Variants in GPHN observed in about 807,000 individuals in gnomAD.
GPHN encodes gephyrin.
Under a neutral mutation model 95.5 loss-of-function variants are expected in GPHN, and 17 were observed. The ratio of observed to expected loss-of-function variants is 0.18; its 90% CI spans 0.12 to 0.27. The LOEUF (loss-of-function observed/expected upper bound fraction) is 0.27. Among genes scored for constraint, GPHN ranks in the 10% least tolerant of loss-of-function variants. The pLI is 1.00. For synonymous variants in GPHN, 320 were observed against 322.5 expected (o/e 0.99, Z 0.08); for missense variants, 660 against 978.1 (o/e 0.67, Z 4.34).
intron 16 of GPHN, among the ~76,000 whole-genome samples, chr14:67,120,141 G>A (rs72715382): frequency 0.063 from 9,300 of 148,336 alleles, 319 homozygotes; most frequent in Non-Finnish European, 0.081. Context: ...AAAAAAAAAA[G>A]AGGTGGGAAG....
chr14:66,827,549 C>G (rs537021124), intron 4 of GPHN, among the ~76,000 whole-genome samples: 1 of 152,222 alleles, frequency 6.6e-6, no homozygotes, highest in Non-Finnish European at 1.5e-5. Context: ...GAGAACTATT[C>G]CTGGTATTTT....
the GPHN span, chr14:67,587,033 A>G: frequency 6.5e-7 from 1 of 1,542,944 alleles, no homozygotes; most frequent in African/African-American, 1.4e-5. Flanking sequence ...GATTCAAGCC[A>G]AGGCTAGTTC....
the GPHN span, chr14:67,593,698 A>G: frequency 8.7e-7 from 1 of 1,153,764 alleles, no homozygotes; most frequent in Middle Eastern, 2.5e-4. Context: ...TGGGCTGGCT[A>G]CCTCCTCCAG....
the GPHN span, among the ~76,000 whole-genome samples, chr14:67,629,262 G>A: frequency 6.6e-6 from 1 of 152,184 alleles, no homozygotes; most frequent in Admixed American, 6.5e-5. Flanking sequence ...CTTGAGCCCA[G>A]GAGGTTGAGG....
At chr14:67,337,399 C>G in the GPHN span, 1 of 152,240 alleles carries the variant, frequency 6.6e-6, no homozygotes, top group Non-Finnish European at 1.5e-5. Context: ...GTAATCCCAG[C>G]TACTCGGGAG....
intron 9 of GPHN, among the ~76,000 whole-genome samples, chr14:66,987,145 A>G (rs2153601352): frequency 6.6e-6 from 1 of 152,278 alleles, no homozygotes; most frequent in Admixed American, 6.5e-5. Context: ...GAGTTTGTGT[A>G]TCCTGATGAT....
the GPHN span, among the ~76,000 whole-genome samples, chr14:67,479,061 T>A: frequency 6.6e-6 from 1 of 152,186 alleles, no homozygotes; most frequent in Non-Finnish European, 1.5e-5. Flanking sequence ...TCTGCATACT[T>A]TTTTTTCCTA....
At chr14:67,652,090 T>C in the GPHN span, among the ~76,000 whole-genome samples, 8 of 152,116 alleles carry the variant, frequency 5.3e-5, no homozygotes, top group Non-Finnish European at 1.2e-4. Context: ...CATGAGTGGG[T>C]TGTAGTTTTG....
the GPHN span, among the ~76,000 whole-genome samples, chr14:67,436,877 G>A: frequency 6.6e-6 from 1 of 152,116 alleles, no homozygotes; most frequent in Non-Finnish European, 1.5e-5. Flanking sequence ...GCAACAGAGT[G>A]AGACCCCATC....
downstream of GPHN, among the ~76,000 whole-genome samples, chr14:67,183,631 T>G (rs2083352907): frequency 6.6e-6 from 1 of 152,026 alleles, no homozygotes; most frequent in East Asian, 1.9e-4. Context: ...TGGCGCGATC[T>G]CAGCTCACTA....
chr14:67,416,053 T>TA, the GPHN span, among the ~76,000 whole-genome samples: 1 of 152,176 alleles, frequency 6.6e-6, no homozygotes, highest in African/African-American at 2.4e-5. Context: ...GATGGGTTGA[T>TA]AGGTGCAGCA....
At position 66,825,190 on chromosome 14, in the gene GPHN, T is replaced by C. The variant is rs2061346536; in HGVS notation, c.294+624T>C. On this transcript the variant is annotated intron_variant, in intron 4 of 22. Coordinates refer to ENST00000478722, the MANE Select transcript of GPHN (RefSeq NM_020806.5). ...CTATTAACTAATATGGGGGGGGATGTATTTTTTCTTTAAGGAAGCCATAAA... is the reference window on the plus strand; with the variant it reads ...CTATTAACTAATATGGGGGGGGATGCATTTTTTCTTTAAGGAAGCCATAAA... Among the ~76,000 whole-genome samples, 7 of 152,180 alleles carry C rather than the reference T, an allele frequency of 4.6e-5. No homozygotes were observed. In the South Asian group the frequency reaches 1.5e-3, roughly 32 times the overall value.
chr14:67,094,507 AG>A (rs2153672277), intron 12 of GPHN, among the ~76,000 whole-genome samples: 1 of 152,312 alleles, frequency 6.6e-6, no homozygotes, highest in East Asian at 1.9e-4. Flanking sequence ...AATCTGCAGA[AG>A]TCCTTCAAAT....
the GPHN span, chr14:67,278,998 C>A: frequency 1.8e-6 from 1 of 563,344 alleles, no homozygotes; most frequent in Non-Finnish European, 2.9e-6. Context: ...CACTTTTTTC[C>A]CCCCCATCTT....
the GPHN span, chr14:67,388,292 C>T: frequency 1.9e-6 from 3 of 1,610,796 alleles, no homozygotes; most frequent in East Asian, 6.7e-5. Flanking sequence ...ACCCACTGGC[C>T]TGTTCTCTTC....
the GPHN span, among the ~76,000 whole-genome samples, chr14:67,305,249 C>T: frequency 6.6e-6 from 1 of 151,926 alleles, no homozygotes; most frequent in Non-Finnish European, 1.5e-5. Context: ...GAGTAAATGA[C>T]TTTTGTCTTT....
the GPHN span, among the ~76,000 whole-genome samples, chr14:67,224,466 T>TA: frequency 1.3e-5 from 2 of 151,974 alleles, no homozygotes; most frequent in Admixed American, 1.3e-4. Context: ...TTCATTGTGT[T>TA]AGCCAGGATG....
intron 4 of GPHN, among the ~76,000 whole-genome samples, chr14:66,871,556 C>A (rs1264627835): frequency 6.6e-6 from 1 of 152,130 alleles, no homozygotes; most frequent in Non-Finnish European, 1.5e-5. Context: ...AGTAGTGTTT[C>A]GTCTTGGTAA....
At chr14:66,999,232 T>A (rs1294403349) in intron 9 of GPHN, among the ~76,000 whole-genome samples, 2 of 152,034 alleles carry the variant, frequency 1.3e-5, no homozygotes, top group East Asian at 3.9e-4. Flanking sequence ...TTATATAGTT[T>A]GGGGTATATA....
Sources: allele counts gnomAD v4.1 joint callset (sites outside exome capture counted in the v4.1 genomes callset), GRCh38; gene constraint gnomAD v4.1.1; transcripts MANE v1.5; gene names NCBI Gene and HGNC (gene_info 2026-07-23, HGNC 2026-07-21).